The following NKD1 variants were observed in gnomAD, a reference collection of about 807,000 sequenced individuals.
NKD1 encodes the protein NKD inhibitor of Wnt signaling pathway 1, also known as protein naked cuticle homolog 1.
Under a neutral mutation model 56.0 loss-of-function variants are expected in NKD1, and 21 were observed. The observed-to-expected ratio is 0.38, with a 90% CI of 0.27 to 0.54. NKD1 has a LOEUF of 0.54. NKD1 is among the 20% of genes least tolerant of loss of function. The pLI, the probability that NKD1 is intolerant of heterozygous loss-of-function variation, is 0.82. For missense variants in NKD1, 578 were observed against 642.7 expected (o/e 0.90, Z 1.09); for synonymous variants, 263 against 265.7 (o/e 0.99, Z 0.10).
chr16:50,602,239 T>C (rs1021305390), intron 3 of NKD1, among the ~76,000 whole-genome samples: 6 of 152,008 alleles, frequency 3.9e-5, no homozygotes, highest in African/African-American at 1.5e-4. Flanking sequence ...GCCCAGAAAA[T>C]GGACAGCCCC....
At chr16:50,569,103 T>C (rs983573724) in intron 3 of NKD1, among the ~76,000 whole-genome samples, 9 of 152,230 alleles carry the variant, frequency 5.9e-5, no homozygotes, top group Non-Finnish European at 1.0e-4. Flanking sequence ...GTTTACAGAA[T>C]GGAATCTGGT....
chr16:50,612,600 G>C (rs1223940512), intron 4 of NKD1, among the ~76,000 whole-genome samples: 1 of 152,206 alleles, frequency 6.6e-6, no homozygotes, highest in Non-Finnish European at 1.5e-5. Flanking sequence ...CCCAGGGAGA[G>C]GTAGAGTGAG....
intron 3 of NKD1, among the ~76,000 whole-genome samples, chr16:50,599,580 C>T (rs1961549903): frequency 6.6e-6 from 1 of 152,192 alleles, no homozygotes; most frequent in South Asian, 2.1e-4. Context: ...CTTCATGGAA[C>T]ACTTGGCAGA....
intron 3 of NKD1, among the ~76,000 whole-genome samples, chr16:50,565,323 G>A (rs2151265142): frequency 6.6e-6 from 1 of 151,174 alleles, no homozygotes; most frequent in South Asian, 2.1e-4. Flanking sequence ...AGTGAGCTGA[G>A]ATTGCACCAC....
At chr16:50,584,986 C>T (rs947631331) in intron 3 of NKD1, among the ~76,000 whole-genome samples, 5 of 152,340 alleles carry the variant, frequency 3.3e-5, no homozygotes, top group Middle Eastern at 3.4e-3. Context: ...AAGGCACCTG[C>T]TGCCGAGCCC....
At chr16:50,605,925 C>T (rs1453903421) in intron 3 of NKD1, among the ~76,000 whole-genome samples, 3 of 152,168 alleles carry the variant, frequency 2.0e-5, no homozygotes, top group East Asian at 3.8e-4. Context: ...GCGAGGCAGG[C>T]GGTACAGCCA....
At chr16:50,596,181 G>A (rs1235076533) in intron 3 of NKD1, among the ~76,000 whole-genome samples, 1 of 152,212 alleles carries the variant, frequency 6.6e-6, no homozygotes, top group Non-Finnish European at 1.5e-5. Context: ...TGTGGCTGTG[G>A]AAGGGAGCAA....
At chr16:50,606,794 C>G (rs1373938681) in intron 3 of NKD1, 3 of 456,684 alleles carry the variant, frequency 6.6e-6, no homozygotes, top group Non-Finnish European at 1.3e-5. Flanking sequence ...AAGACTGTTG[C>G]CTGTTCCCTC....
At chr16:50,589,319 C>T (rs1251790540) in intron 3 of NKD1, among the ~76,000 whole-genome samples, 3 of 152,252 alleles carry the variant, frequency 2.0e-5, no homozygotes, top group South Asian at 2.1e-4. Flanking sequence ...GTCCCTCAGA[C>T]GCAAGCACCA....
At chr16:50,548,614 C>T (rs1960291606) in intron 1 of NKD1, 36 bp downstream of exon 1, 9 of 1,444,234 alleles carry the variant, frequency 6.2e-6, no homozygotes, top group Non-Finnish European at 8.1e-6. Flanking sequence ...CCCCGGGCCC[C>T]GCCGCCGTCG....
chr16:50,621,687 C>T lies in NKD1; in HGVS notation c.345C>T (p.Ser115=), dbSNP rs1428325504. 2 of 1,613,846 alleles carry T rather than the reference C, an allele frequency of 1.2e-6. No individual in the cohort carries two copies. Among genetic ancestry groups the T allele is most frequent in the East Asian group, 2.2e-5 (1 of 44,878 alleles). ...MERVSEPCPG[S]KKQLKFEELQ... ...GAGTGAGCGAACCCTGCCCAGGCTCCAAGAAGCAGCTGAAGTTTGAAGTAA... is the reference window on the plus strand; with the variant it reads ...GAGTGAGCGAACCCTGCCCAGGCTCTAAGAAGCAGCTGAAGTTTGAAGTAA... The change falls in exon 5 of 10, where the codon TCC becomes TCT. Residue 115 remains serine (S), a synonymous_variant. Coordinates refer to ENST00000268459, the MANE Select transcript of NKD1 (RefSeq NM_033119.5).
At chr16:50,608,571 G>T in intron 4 of NKD1, 1 of 593,184 alleles carries the variant, frequency 1.7e-6, no homozygotes, top group Non-Finnish European at 3.1e-6. Flanking sequence ...CCAGGTGGGG[G>T]TCCGGTCACC....
At chr16:50,616,978 G>A (rs1403995600) in intron 4 of NKD1, among the ~76,000 whole-genome samples, 6 of 152,202 alleles carry the variant, frequency 3.9e-5, no homozygotes, top group African/African-American at 1.4e-4. Flanking sequence ...AGAGCCCCGA[G>A]GAGCTCACCC....
intron 3 of NKD1, chr16:50,571,629 C>A: frequency 1.7e-6 from 1 of 601,190 alleles, no homozygotes; most frequent in Non-Finnish European, 2.1e-6. Context: ...TCCTTCCCTG[C>A]AGAGCTGCCA....
At chr16:50,631,087 A>T (rs990431045) in intron 8 of NKD1, among the ~76,000 whole-genome samples, 177 bp downstream of exon 8, 1 of 152,178 alleles carries the variant, frequency 6.6e-6, no homozygotes, top group Non-Finnish European at 1.5e-5. Flanking sequence ...TGTAGTCCAC[A>T]TCCTTTTATG....
chr16:50,567,975 A>G (rs187072501), intron 3 of NKD1, among the ~76,000 whole-genome samples: 1 of 152,396 alleles, frequency 6.6e-6, no homozygotes, highest in East Asian at 1.9e-4. Context: ...TTTTACAGAA[A>G]TATTTTTACT....
Position 50,625,645 on chromosome 16 carries a change from A to G in NKD1, c.462+65A>G. 6.1e-6 allele frequency: 6 copies of G among 982,054 alleles called. No homozygotes were observed. The South Asian group carries it at 6.7e-5, about 11-fold the overall frequency. The allele number at this position is 982,054 out of a possible 1,614,324, so 60.8% of individuals were successfully genotyped here. A position where few individuals can be genotyped will look rare whatever the true frequency, so the allele number is the denominator to read the frequency against. On this transcript the variant is annotated intron_variant, in intron 6 of 9. Transcript: ENST00000268459. The stretch of plus-strand genomic sequence containing the variant: ...CGCAGGCACAGGGCCTGGGCACAGC[A>G]CCCTGCCACTGCCACTTCTCTCCCC...
At chr16:50,611,075 G>C (rs1329834587) in intron 4 of NKD1, among the ~76,000 whole-genome samples, 1 of 152,210 alleles carries the variant, frequency 6.6e-6, no homozygotes, top group Non-Finnish European at 1.5e-5. Context: ...ACTCCAGGTA[G>C]TCGCAGCCTG....
At chr16:50,584,925 C>T (rs1039484863) in intron 3 of NKD1, among the ~76,000 whole-genome samples, 3 of 152,208 alleles carry the variant, frequency 2.0e-5, no homozygotes, top group Non-Finnish European at 4.4e-5. Flanking sequence ...GAGGCCCAGG[C>T]GCCCAGACTG....
Sources: gnomAD v4.1 joint callset for allele counts (sites outside exome capture counted in the v4.1 genomes callset) on GRCh38, gnomAD v4.1.1 for gene constraint, MANE v1.5 for transcripts, NCBI Gene and HGNC (gene_info 2026-07-23, HGNC 2026-07-21) for gene names.